The following PAPOLG variants were observed in gnomAD, a reference collection of about 807,000 sequenced individuals.
PAPOLG encodes the protein PAP-gamma.
PAPOLG carries 40 observed loss-of-function variants against 99.0 expected under a neutral mutation model. The observed-to-expected ratio is 0.40, with a 90% CI of 0.31 to 0.53. The LOEUF (loss-of-function observed/expected upper bound fraction) is 0.53, where lower values mean the gene tolerates loss of function less well. Ranked by LOEUF, PAPOLG falls within the 20% of genes least tolerant of loss-of-function variation. The pLI, the probability that PAPOLG is intolerant of heterozygous loss-of-function variation, is 0.41. For missense variants in PAPOLG, 675 were observed against 884.1 expected (o/e 0.76, Z 3.00); for synonymous variants, 310 against 299.3 (o/e 1.04, Z -0.37).
In PAPOLG at chr2:60,768,871, A is replaced by T. The variant is rs749393431; in HGVS notation, c.419A>T (p.Asp140Val). The T allele has an allele frequency of 2.4e-5, 39 of 1,595,198 alleles. 1 individual carries two copies. The highest frequency in any genetic ancestry group is 2.8e-5 in the Non-Finnish European group (33 of 1,168,936). The change falls in exon 5 of 22, where the codon GAT becomes GTT. Residue 140 changes from aspartate (D) to valine (V), a missense_variant. By Grantham distance (152) the Asp-to-Val change is radical. Transcript: ENST00000238714. ...TTTTTTGAAAAATTGAAACATCAAGATGGCATTAGAAACTTAAGAGTAAGT... is the reference window on the plus strand; with the variant it reads ...TTTTTTGAAAAATTGAAACATCAAGTTGGCATTAGAAACTTAAGAGTAAGT... ...QSFFEKLKHQ[D>V]GIRNLRAVED...
chr2:60,792,803 A>G (rs1260300143), intron 17 of PAPOLG, among the ~76,000 whole-genome samples: 1 of 152,204 alleles, frequency 6.6e-6, no homozygotes, highest in Admixed American at 6.5e-5. Flanking sequence ...TGGGAGGCCA[A>G]GGCGGGCAGA....
At chr2:60,789,823 C>T (rs1162791671) in intron 15 of PAPOLG, among the ~76,000 whole-genome samples, 1 of 152,196 alleles carries the variant, frequency 6.6e-6, no homozygotes. Context: ...GGCGTGGTGG[C>T]TCACGCCTGT....
intron 8 of PAPOLG, among the ~76,000 whole-genome samples, chr2:60,778,134 T>G (rs1307052069): frequency 2.0e-5 from 3 of 151,980 alleles, no homozygotes. Context: ...AAACGAGGTA[T>G]GCCTTTATAT....
chr2:60,762,896 G>C (rs959817202), intron 3 of PAPOLG, among the ~76,000 whole-genome samples: 1 of 151,738 alleles, frequency 6.6e-6, no homozygotes, highest in Admixed American at 6.6e-5. Flanking sequence ...CACAGTGCTG[G>C]GATTACAGCC....
At chr2:60,782,068 C>A in intron 11 of PAPOLG, 63 bp downstream of exon 11, 1 of 1,506,602 alleles carries the variant, frequency 6.6e-7, no homozygotes, top group Non-Finnish European at 9.2e-7. Context: ...CAGTTTTATT[C>A]TCTGTTGCAG....
intron 8 of PAPOLG, among the ~76,000 whole-genome samples, chr2:60,776,535 C>A (rs1226214112): frequency 6.9e-6 from 1 of 144,132 alleles, no homozygotes; most frequent in African/African-American, 2.6e-5. Flanking sequence ...TCAAGTGATT[C>A]TCCTGCCTCA....
intron 2 of PAPOLG, among the ~76,000 whole-genome samples, chr2:60,760,629 GAA>G (rs1407286586): frequency 6.6e-6 from 1 of 152,178 alleles, no homozygotes; most frequent in Admixed American, 6.5e-5. Flanking sequence ...CTATCTGAGG[GAA>G]AAGTGTTCTA....
chr2:60,782,292 C>A (rs1221596496), intron 11 of PAPOLG, among the ~76,000 whole-genome samples: 1 of 152,128 alleles, frequency 6.6e-6, no homozygotes, highest in South Asian at 2.1e-4. Flanking sequence ...GTGGGCCGGG[C>A]GCGATGGCTC....
At chr2:60,768,753 C>G (rs1670760898) in intron 4 of PAPOLG, 28 bp from the exon 5 acceptor site, 1 of 1,497,762 alleles carries the variant, frequency 6.7e-7, no homozygotes, top group African/African-American at 1.4e-5. Flanking sequence ...ATAATATATT[C>G]TTAATTAAGA....
At chr2:60,783,454 G>A (rs559807157) in intron 13 of PAPOLG, among the ~76,000 whole-genome samples, 55 of 129,608 alleles carry the variant, frequency 4.2e-4, no homozygotes, top group Non-Finnish European at 7.7e-4. Flanking sequence ...GCCCACCTCA[G>A]CCTCCCAAAG....
At chr2:60,794,219 A>G in intron 19 of PAPOLG, 28 bp downstream of exon 19, 5 of 1,587,344 alleles carry the variant, frequency 3.1e-6, no homozygotes, top group Non-Finnish European at 3.4e-6. Context: ...GTGGTAATTC[A>G]GTAGTTGATA....
chr2:60,759,954 T>G (rs1425874660), intron 1 of PAPOLG, 180 bp from the exon 2 acceptor site: 1 of 186,688 alleles, frequency 5.4e-6, no homozygotes, highest in African/African-American at 2.4e-5. Context: ...GAATAGCCCC[T>G]TCATAAACAT....
intron 5 of PAPOLG, among the ~76,000 whole-genome samples, chr2:60,769,245 A>G (rs947071436): frequency 1.3e-5 from 2 of 152,232 alleles, no homozygotes; most frequent in Admixed American, 1.3e-4. Context: ...GTAGCCAACA[A>G]TGATTGATAC....
chr2:60,771,383 A>T, intron 6 of PAPOLG, 136 bp from the exon 7 acceptor site: 1 of 969,980 alleles, frequency 1.0e-6, no homozygotes, highest in Non-Finnish European at 1.4e-6. Flanking sequence ...GAGACTGCCT[A>T]CATAGGCCTA....
At chr2:60,768,020 T>C (rs1670733727) in intron 3 of PAPOLG, among the ~76,000 whole-genome samples, 2 of 152,246 alleles carry the variant, frequency 1.3e-5, no homozygotes, top group South Asian at 2.1e-4. Context: ...TGTGAAGCAC[T>C]TTTACAAATC....
intron 3 of PAPOLG, among the ~76,000 whole-genome samples, chr2:60,763,030 G>C (rs35252652): frequency 0.22 from 33,740 of 150,370 alleles, 4,225 homozygotes; most frequent in African/African-American, 0.32. Flanking sequence ...GCCTCCCCAA[G>C]TGCTGGGATT....
chr2:60,760,856 T>A (rs552380242), intron 2 of PAPOLG, among the ~76,000 whole-genome samples: 4 of 152,292 alleles, frequency 2.6e-5, no homozygotes, highest in South Asian at 4.1e-4. Flanking sequence ...AAGATTGACA[T>A]GATGACTTAA....
At chr2:60,779,799 G>A in intron 9 of PAPOLG, 24 bp downstream of exon 9, 1 of 1,585,158 alleles carries the variant, frequency 6.3e-7, no homozygotes, top group Non-Finnish European at 8.7e-7. Context: ...TGTGTACTTT[G>A]ACTGTTTACT....
Position 60,781,914 on chromosome 2 carries a change from G to T in PAPOLG, c.936G>T (p.Met312Ile). ...RVNPSDRYHL[M>I]PIITPAYPQQ... ...ATCCATCAGATAGGTATCATCTCAT[G>T]CCCATAATCACCCCTGCCTACCCAC... Residue 312 changes from methionine to isoleucine, a missense_variant, in exon 11 of 22, where the codon ATG becomes ATT. Coordinates refer to ENST00000238714, the MANE Select transcript of PAPOLG (RefSeq NM_022894.4). 1 of 1,613,874 alleles carries T rather than the reference G, an allele frequency of 6.2e-7. No individual in the cohort carries two copies. The highest frequency in any genetic ancestry group is 8.5e-7 in the Non-Finnish European group (1 of 1,179,832).
Sources: gnomAD v4.1 joint callset for allele counts (sites outside exome capture counted in the v4.1 genomes callset) on GRCh38, gnomAD v4.1.1 for gene constraint, MANE v1.5 for transcripts, NCBI Gene and HGNC (gene_info 2026-07-23, HGNC 2026-07-21) for gene names.